CNTN4: variants seen among roughly 807,000 people sequenced by gnomAD.
CNTN4 encodes contactin 4, also known as contactin-4.
Under a neutral mutation model 122.5 loss-of-function variants are expected in CNTN4, and 77 were observed. The observed-to-expected ratio is 0.63, with a 90% CI of 0.52 to 0.76. The LOEUF (loss-of-function observed/expected upper bound fraction) is 0.76, where lower values mean the gene tolerates loss of function less well. Ranked by LOEUF, CNTN4 falls within the 30% of genes least tolerant of loss-of-function variation. The pLI is 0.00. For synonymous variants in CNTN4, 512 were observed against 447.0 expected (o/e 1.15, Z -1.83); for missense variants, 1,256 against 1,259.1 (o/e 1.00, Z 0.04).
intron 3 of CNTN4, among the ~76,000 whole-genome samples, chr3:2,364,344 A>AGTC (rs1223665279): frequency 1.6e-4 from 25 of 152,312 alleles, no homozygotes; most frequent in African/African-American, 5.3e-4. Flanking sequence ...GTTCCAACAT[A>AGTC]GTCATCATCA....
rs183502250 is a variant in CNTN4, at chr3:2,230,891, G to A, written c.-144-108287G>A. Reference sequence around the variant, plus strand: ...TAGTCCCAGTTACTCAGGAGACTGAGGTGACAGGATCACTTGAGCCCAGGG... The same window carrying A: ...TAGTCCCAGTTACTCAGGAGACTGAAGTGACAGGATCACTTGAGCCCAGGG... On this transcript the variant is annotated intron_variant, in intron 2 of 24. Coordinates refer to ENST00000418658, the MANE Select transcript of CNTN4 (RefSeq NM_175607.3). 4.6e-5 allele frequency among the ~76,000 whole-genome samples: 7 copies of A among 152,192 alleles called. No homozygotes were observed. The East Asian group carries it at 1.2e-3, about 25-fold the overall frequency.
At chr3:2,372,114 G>C (rs1369342999) in intron 3 of CNTN4, among the ~76,000 whole-genome samples, 1 of 152,196 alleles carries the variant, frequency 6.6e-6, no homozygotes, top group East Asian at 1.9e-4. Context: ...TAGGAAAGTT[G>C]CATAAATGTG....
intron 3 of CNTN4, among the ~76,000 whole-genome samples, chr3:2,529,574 C>G (rs1306866530): frequency 2.0e-5 from 3 of 152,040 alleles, no homozygotes; most frequent in Non-Finnish European, 4.4e-5. Flanking sequence ...TTACTATATA[C>G]AAACAACAGA....
chr3:2,554,424 A>G lies in CNTN4; in HGVS notation c.-88-16992A>G, dbSNP rs557103990. On this transcript the variant is annotated intron_variant, in intron 3 of 24. Coordinates refer to ENST00000418658, the MANE Select transcript of CNTN4 (RefSeq NM_175607.3). The stretch of plus-strand genomic sequence containing the variant: ...TGGTCAGCTCAGTGATACTTTCTCC[A>G]GTTTGTGGGTCATTTCATCCTGCAT... Among the ~76,000 whole-genome samples the G allele has an allele frequency of 7.9e-5, 12 of 152,112 alleles. No individual in the cohort carries two copies. The East Asian group carries it at 2.3e-3, about 29-fold the overall frequency.
chr3:2,344,922 T>C (rs974536825), intron 3 of CNTN4, among the ~76,000 whole-genome samples: 3 of 152,226 alleles, frequency 2.0e-5, no homozygotes, highest in Admixed American at 2.0e-4. Flanking sequence ...AAGAAAAGAA[T>C]GCCTAGAATT....
At chr3:2,267,444 A>T (rs2041097893) in intron 2 of CNTN4, among the ~76,000 whole-genome samples, 1 of 152,126 alleles carries the variant, frequency 6.6e-6, no homozygotes, top group Non-Finnish European at 1.5e-5. Context: ...TTCATTTGGA[A>T]TGAAAGGAAT....
intron 2 of CNTN4, among the ~76,000 whole-genome samples, chr3:2,256,155 A>G (rs2040581989): frequency 6.6e-6 from 1 of 152,246 alleles, no homozygotes; most frequent in South Asian, 2.1e-4. Flanking sequence ...AGAGAATCCT[A>G]TAAACACCTC....
intron 3 of CNTN4, among the ~76,000 whole-genome samples, chr3:2,414,128 G>A (rs2047327120): frequency 6.6e-6 from 1 of 152,138 alleles, no homozygotes; most frequent in Non-Finnish European, 1.5e-5. Context: ...GTGACTTTCT[G>A]ACTTGAGGGA....
At chr3:2,624,285 T>C (rs1313296930) in intron 4 of CNTN4, among the ~76,000 whole-genome samples, 1 of 152,180 alleles carries the variant, frequency 6.6e-6, no homozygotes, top group Admixed American at 6.5e-5. Flanking sequence ...AAACAAAAAG[T>C]GTGAACTCTT....
chr3:2,458,499 G>C (rs181113718), intron 3 of CNTN4, among the ~76,000 whole-genome samples: 4 of 152,120 alleles, frequency 2.6e-5, no homozygotes, highest in African/African-American at 9.7e-5. Context: ...TAAGTTTAAA[G>C]ATATTAATTA....
chr3:2,266,634 A>C (rs2149788041), intron 2 of CNTN4, among the ~76,000 whole-genome samples: 1 of 152,200 alleles, frequency 6.6e-6, no homozygotes, highest in African/African-American at 2.4e-5. Context: ...AAATTAATTA[A>C]AAGTCACATT....
intron 2 of CNTN4, chr3:2,239,101 A>G (rs2039823521): frequency 6.6e-6 from 1 of 152,022 alleles, no homozygotes. Context: ...AATTTTGTGC[A>G]AAGTTCTCTG....
At chr3:2,678,859 C>G (rs2085013837) in intron 4 of CNTN4, among the ~76,000 whole-genome samples, 1 of 152,132 alleles carries the variant, frequency 6.6e-6, no homozygotes, top group Non-Finnish European at 1.5e-5. Context: ...CCTAGAAAGT[C>G]AACAGATGAG....
intron 5 of CNTN4, among the ~76,000 whole-genome samples, chr3:2,738,633 AAAAAG>A (rs1378564659): frequency 6.6e-6 from 1 of 152,246 alleles, no homozygotes; most frequent in African/African-American, 2.4e-5. Flanking sequence ...TTGTGAAGAT[AAAAAG>A]AAAAGTTAAA....
chr3:2,358,287 A>G (rs764447908), intron 3 of CNTN4, among the ~76,000 whole-genome samples: 4 of 152,206 alleles, frequency 2.6e-5, no homozygotes, highest in Non-Finnish European at 4.4e-5. Context: ...TTGCAACTAC[A>G]ACATGCAGAC....
At chr3:2,152,971 G>A (rs2035560791) in intron 2 of CNTN4, among the ~76,000 whole-genome samples, 1 of 152,158 alleles carries the variant, frequency 6.6e-6, no homozygotes, top group Admixed American at 6.5e-5. Context: ...CATTTGGAAG[G>A]AGGGCTGCCC....
At chr3:2,188,300 C>G (rs1415060624) in intron 2 of CNTN4, among the ~76,000 whole-genome samples, 1 of 152,090 alleles carries the variant, frequency 6.6e-6, no homozygotes, top group Non-Finnish European at 1.5e-5. Context: ...AGCAAGAGTC[C>G]CTAGGATTCT....
chr3:2,611,026 A>G (rs965502006), intron 4 of CNTN4, among the ~76,000 whole-genome samples: 7 of 152,144 alleles, frequency 4.6e-5, no homozygotes, highest in Admixed American at 3.9e-4. Context: ...CAATACTTCC[A>G]TTATAACATG....
chr3:2,889,796 T>G (rs2094018085), intron 10 of CNTN4, among the ~76,000 whole-genome samples: 1 of 152,164 alleles, frequency 6.6e-6, no homozygotes, highest in African/African-American at 2.4e-5. Flanking sequence ...GGTATGAAAT[T>G]TTCTGCAACC....
Sources: gnomAD v4.1 joint callset for allele counts (sites outside exome capture counted in the v4.1 genomes callset) on GRCh38, gnomAD v4.1.1 for gene constraint, MANE v1.5 for transcripts, NCBI Gene and HGNC (gene_info 2026-07-23, HGNC 2026-07-21) for gene names.